Variants in EXOC4 observed in about 807,000 individuals in gnomAD.
EXOC4 encodes exocyst complex component 4, also known as SEC8-like 1.
In EXOC4, 71 loss-of-function variants were observed where a neutral mutation model predicts 107.2. The ratio of observed to expected loss-of-function variants is 0.66; its 90% CI spans 0.55 to 0.81. The LOEUF (loss-of-function observed/expected upper bound fraction) is 0.81, where lower values mean the gene tolerates loss of function less well. Among genes scored for constraint, EXOC4 ranks in the 30% least tolerant of loss-of-function variants. The probability of loss-of-function intolerance (pLI) is 0.00; values close to 1 mark genes in which losing one functional copy is unlikely to be tolerated. For missense variants in EXOC4, 1,108 were observed against 1,189.6 expected (o/e 0.93, Z 1.01); for synonymous variants, 456 against 441.2 (o/e 1.03, Z -0.42).
chr7:133,484,253 A>T (rs1799223841), intron 9 of EXOC4: 3 of 1,329,878 alleles, frequency 2.3e-6, no homozygotes, highest in Admixed American at 5.7e-5. Context: ...GTTATGGTAC[A>T]GATGGTTCAT....
chr7:133,355,692 T>C (rs536976606), intron 5 of EXOC4, among the ~76,000 whole-genome samples: 8 of 151,796 alleles, frequency 5.3e-5, no homozygotes, highest in African/African-American at 1.9e-4. Context: ...CATGGATTAT[T>C]AGCAAGATCT....
intron 11 of EXOC4, among the ~76,000 whole-genome samples, chr7:133,818,946 G>A (rs976784494): frequency 3.3e-5 from 5 of 152,068 alleles, no homozygotes; most frequent in Admixed American, 6.6e-5. Context: ...AGGTTCTGCC[G>A]ATAGGCAGCA....
intron 17 of EXOC4, among the ~76,000 whole-genome samples, chr7:134,063,874 T>C (rs1231575642): frequency 6.6e-6 from 1 of 152,090 alleles, no homozygotes; most frequent in Non-Finnish European, 1.5e-5. Flanking sequence ...CAGAAAACCA[T>C]GTACAGTATT....
At chr7:133,562,451 A>T (rs763924828) in intron 9 of EXOC4, among the ~76,000 whole-genome samples, 1 of 152,084 alleles carries the variant, frequency 6.6e-6, no homozygotes, top group Non-Finnish European at 1.5e-5. Flanking sequence ...GGTTCTCTCA[A>T]TCCCATTCAT....
intron 10 of EXOC4, among the ~76,000 whole-genome samples, chr7:133,764,610 A>G (rs1014157564): frequency 8.5e-5 from 13 of 152,082 alleles, no homozygotes; most frequent in Non-Finnish European, 7.4e-5. Flanking sequence ...TGTGAGGATT[A>G]GGAAACAAAC....
chr7:133,801,728 A>C (rs779142690), intron 10 of EXOC4, among the ~76,000 whole-genome samples: 1 of 152,216 alleles, frequency 6.6e-6, no homozygotes, highest in Non-Finnish European at 1.5e-5. Flanking sequence ...TCAGCCTACT[A>C]TCGTGGTTAA....
intron 14 of EXOC4, among the ~76,000 whole-genome samples, chr7:133,963,849 A>G (rs1220551241): frequency 1.3e-5 from 2 of 152,184 alleles, no homozygotes; most frequent in African/African-American, 2.4e-5. Context: ...TAATGGGGCC[A>G]TTATCTACAT....
chr7:133,387,398 G>T (rs1437412779), intron 7 of EXOC4, among the ~76,000 whole-genome samples: 1 of 152,118 alleles, frequency 6.6e-6, no homozygotes, highest in Non-Finnish European at 1.5e-5. Flanking sequence ...CTAGACATCG[G>T]TGCTCTAACT....
intron 9 of EXOC4, among the ~76,000 whole-genome samples, chr7:133,518,725 T>A (rs567222846): frequency 6.6e-6 from 1 of 152,276 alleles, no homozygotes; most frequent in Admixed American, 6.5e-5. Flanking sequence ...ATTATAATAA[T>A]ACAGTCGCGA....
At chr7:134,098,050 G>A in the EXOC4 span, among the ~76,000 whole-genome samples, 3 of 152,162 alleles carry the variant, frequency 2.0e-5, no homozygotes, top group Non-Finnish European at 4.4e-5. Context: ...ACGAAAGGAG[G>A]ATTCACACAT....
intron 6 of EXOC4, among the ~76,000 whole-genome samples, chr7:133,374,192 T>G (rs1796436611): frequency 6.6e-6 from 1 of 152,204 alleles, no homozygotes; most frequent in Non-Finnish European, 1.5e-5. Flanking sequence ...TTTTGTGTCC[T>G]TGAGTATATA....
chr7:133,971,385 G>T (rs888551758), intron 14 of EXOC4, among the ~76,000 whole-genome samples: 6 of 141,906 alleles, frequency 4.2e-5, no homozygotes, highest in Middle Eastern at 3.4e-3. Flanking sequence ...GAGAGAGAGA[G>T]AGAGAGAGAG....
At chr7:133,940,136 T>A (rs151159783) in intron 14 of EXOC4, among the ~76,000 whole-genome samples, 1 of 152,226 alleles carries the variant, frequency 6.6e-6, no homozygotes, top group Admixed American at 6.5e-5. Context: ...CATACCATTC[T>A]AGATTTCTAT....
intron 7 of EXOC4, among the ~76,000 whole-genome samples, chr7:133,420,450 C>T (rs1797578456): frequency 6.6e-6 from 1 of 152,154 alleles, no homozygotes; most frequent in South Asian, 2.1e-4. Context: ...TGACAACTTG[C>T]TTCTTCAAAG....
intron 9 of EXOC4, among the ~76,000 whole-genome samples, chr7:133,609,353 A>G (rs1016523978): frequency 6.6e-6 from 1 of 152,222 alleles, no homozygotes; most frequent in Non-Finnish European, 1.5e-5. Context: ...TTTATGCCAA[A>G]TGAGTTTTTG....
At chr7:134,070,163 G>A (rs1233202021), downstream of EXOC4, among the ~76,000 whole-genome samples, 2 of 152,204 alleles carry the variant, frequency 1.3e-5, no homozygotes, top group Non-Finnish European at 2.9e-5. Context: ...GAGGTACCAC[G>A]AACAAGAAAA....
chr7:133,480,868 AC>A, intron 9 of EXOC4: 1 of 151,906 alleles, frequency 6.6e-6, no homozygotes, highest in East Asian at 1.9e-4. Flanking sequence ...AGCCTGGGCG[AC>A]ATGGCGAAGC....
intron 9 of EXOC4, among the ~76,000 whole-genome samples, chr7:133,569,078 A>T (rs1800965550): frequency 1.3e-5 from 2 of 152,162 alleles, no homozygotes; most frequent in African/African-American, 4.8e-5. Flanking sequence ...AGAGGGTAGT[A>T]ATATGAGAAC....
chr7:133,554,277 T>G (rs1426112023), intron 9 of EXOC4, among the ~76,000 whole-genome samples: 2 of 152,204 alleles, frequency 1.3e-5, no homozygotes. Flanking sequence ...TCCCTAGAAA[T>G]CATTCTTAAT....
Sources: gnomAD v4.1 joint callset for allele counts (sites outside exome capture counted in the v4.1 genomes callset) on GRCh38, gnomAD v4.1.1 for gene constraint, MANE v1.5 for transcripts, NCBI Gene and HGNC (gene_info 2026-07-23, HGNC 2026-07-21) for gene names.